ATE1: variants seen among roughly 807,000 people sequenced by gnomAD.
ATE1 encodes arginyl-tRNA--protein transferase 1.
A neutral mutation model predicts 70.5 loss-of-function variants in ATE1; 36 were observed. That is an observed-to-expected ratio of 0.51 (90% CI 0.39 to 0.67). The LOEUF (loss-of-function observed/expected upper bound fraction) is 0.67. ATE1 is among the 30% of genes least tolerant of loss of function. The probability of loss-of-function intolerance (pLI) is 0.00; values close to 1 mark genes in which losing one functional copy is unlikely to be tolerated. For missense variants in ATE1, 593 were observed against 629.5 expected (o/e 0.94, Z 0.62); for synonymous variants, 232 against 219.3 (o/e 1.06, Z -0.51).
intron 5 of ATE1, among the ~76,000 whole-genome samples, chr10:121,903,155 C>G (rs776551526): frequency 8.1e-5 from 11 of 136,582 alleles, no homozygotes; most frequent in Non-Finnish European, 1.6e-4. Flanking sequence ...TCCCTAAGTG[C>G]TGGGATTACA....
intron 10 of ATE1, among the ~76,000 whole-genome samples, chr10:121,795,203 G>A (rs923506068): frequency 1.3e-5 from 2 of 152,028 alleles, no homozygotes; most frequent in African/African-American, 2.4e-5. Flanking sequence ...AGCCAAGATC[G>A]CACCTCTGCA....
At chr10:121,790,089 T>C in intron 11 of ATE1, 80 bp downstream of exon 11, 1 of 1,582,364 alleles carries the variant, frequency 6.3e-7, no homozygotes, top group Admixed American at 1.7e-5. Context: ...ACCTGGACCC[T>C]GTTAAGAGCC....
intron 8 of ATE1, among the ~76,000 whole-genome samples, chr10:121,864,306 C>G: frequency 6.6e-6 from 1 of 152,202 alleles, no homozygotes; most frequent in East Asian, 1.9e-4. Context: ...ATAAGCAGCT[C>G]ACAACCCAGC....
At chr10:121,745,276 A>G (rs1412141702) in intron 11 of ATE1, among the ~76,000 whole-genome samples, 1 of 152,174 alleles carries the variant, frequency 6.6e-6, no homozygotes, top group Non-Finnish European at 1.5e-5. Flanking sequence ...ATCCTACAGC[A>G]GTGGTTCTCA....
At chr10:121,905,823 G>T (rs547765412) in intron 5 of ATE1, among the ~76,000 whole-genome samples, 288 of 149,708 alleles carry the variant, frequency 1.9e-3, no homozygotes, top group African/African-American at 6.8e-3. Flanking sequence ...CCAGGCCTAA[G>T]CAACACAGCG....
At chr10:121,907,502 C>T (rs377377369) in intron 5 of ATE1, among the ~76,000 whole-genome samples, 5 of 151,626 alleles carry the variant, frequency 3.3e-5, no homozygotes, top group African/African-American at 1.2e-4. Flanking sequence ...CGGCCAGACA[C>T]GGTGGTTCAC....
At chr10:121,782,062 C>A (rs1564833381) in intron 11 of ATE1, among the ~76,000 whole-genome samples, 2 of 152,060 alleles carry the variant, frequency 1.3e-5, no homozygotes, top group African/African-American at 4.8e-5. Context: ...AAAAAAGAAT[C>A]TAAATAGTTT....
chr10:121,832,516 C>G (rs921664562), intron 10 of ATE1, among the ~76,000 whole-genome samples: 1 of 149,586 alleles, frequency 6.7e-6, no homozygotes, highest in East Asian at 1.9e-4. Context: ...GGGAGATAAT[C>G]TGAATCAAGG....
chr10:121,756,963 G>A (rs976174599), intron 11 of ATE1, among the ~76,000 whole-genome samples: 1 of 152,174 alleles, frequency 6.6e-6, no homozygotes, highest in Non-Finnish European at 1.5e-5. Context: ...CTCAGAAAAT[G>A]GGATTTTCTT....
chr10:121,928,094 G>T, upstream of ATE1: 1 of 1,214,398 alleles, frequency 8.2e-7, no homozygotes, highest in Non-Finnish European at 1.0e-6. Context: ...GGCCGGCCCG[G>T]CGCCTCTTGG....
At chr10:121,910,319 C>T (rs905083900) in intron 5 of ATE1, among the ~76,000 whole-genome samples, 17 of 151,962 alleles carry the variant, frequency 1.1e-4, no homozygotes, top group African/African-American at 3.9e-4. Flanking sequence ...TCACATTTCA[C>T]GAAATAATTT....
intron 10 of ATE1, among the ~76,000 whole-genome samples, chr10:121,818,256 CAAAAAAAAAA>C (rs66792557): frequency 2.2e-4 from 14 of 63,408 alleles, no homozygotes; most frequent in South Asian, 9.2e-4. Flanking sequence ...GACTCCATCT[CAAAAAAAAAA>C]AAAAAAAAAA....
At chr10:121,908,578 AGAAGCAGTCCAGCCAGCCAG>A (rs1951294688) in intron 5 of ATE1, among the ~76,000 whole-genome samples, 1 of 152,232 alleles carries the variant, frequency 6.6e-6, no homozygotes, top group Non-Finnish European at 1.5e-5. Flanking sequence ...CTGTCTTTAT[AGAAGCAGTCCAGCCAGCCAG>A]GAAACGAAGA....
chr10:121,887,648 G>C (rs530531074), intron 7 of ATE1, among the ~76,000 whole-genome samples: 59 of 152,242 alleles, frequency 3.9e-4, no homozygotes, highest in Admixed American at 7.8e-4. Context: ...TGAGGTTACA[G>C]TGAGCTATGA....
intron 11 of ATE1, among the ~76,000 whole-genome samples, chr10:121,770,070 G>T (rs1455776957): frequency 6.6e-6 from 1 of 152,098 alleles, no homozygotes; most frequent in East Asian, 1.9e-4. Flanking sequence ...AGTTATTTTG[G>T]TAACAGTCCT....
intron 11 of ATE1, among the ~76,000 whole-genome samples, chr10:121,781,158 T>A (rs1227161624): frequency 7.6e-6 from 1 of 131,928 alleles, no homozygotes; most frequent in African/African-American, 2.9e-5. Context: ...TGAGGCAACA[T>A]GCTACCTCAG....
chr10:121,883,644 T>C (rs183458102), intron 7 of ATE1, among the ~76,000 whole-genome samples: 2 of 152,314 alleles, frequency 1.3e-5, no homozygotes, highest in Non-Finnish European at 2.9e-5. Flanking sequence ...TTTGGGAACA[T>C]TGTCATTTTA....
intron 11 of ATE1, among the ~76,000 whole-genome samples, chr10:121,765,303 A>G (rs1387956435): frequency 7.5e-6 from 1 of 132,952 alleles, no homozygotes; most frequent in East Asian, 2.3e-4. Context: ...TCAAGGAGGC[A>G]GAAGAAAAAA....
chr10:121,878,500 C>T lies in ATE1; in HGVS notation c.943-8462G>A, dbSNP rs749969582. 2.2e-4 allele frequency among the ~76,000 whole-genome samples: 33 copies of T among 151,020 alleles called. 1 individual carries two copies. Among genetic ancestry groups the T allele is most frequent in the South Asian group, 1.3e-3 (6 of 4,758 alleles). Reference sequence around the variant, plus strand: ...CCCAGCTTCTTGGGAGGCTGAAGTACGAGAATTGCCTGAACTCAGGAGGCA... The same window carrying T: ...CCCAGCTTCTTGGGAGGCTGAAGTATGAGAATTGCCTGAACTCAGGAGGCA... On this transcript the variant is annotated intron_variant, in intron 7 of 11. Coordinates refer to ENST00000224652, the MANE Select transcript of ATE1 (RefSeq NM_001001976.3).
Sources: allele counts gnomAD v4.1 joint callset (sites outside exome capture counted in the v4.1 genomes callset), GRCh38; gene constraint gnomAD v4.1.1; transcripts MANE v1.5; gene names NCBI Gene and HGNC (gene_info 2026-07-23, HGNC 2026-07-21).